Variants in KIF26B observed in about 807,000 individuals in gnomAD.
The protein encoded by KIF26B is kinesin-like protein KIF26B.
Under a neutral mutation model 151.2 loss-of-function variants are expected in KIF26B, and 63 were observed. The observed-to-expected ratio is 0.42, with a 90% CI of 0.34 to 0.51. The LOEUF (loss-of-function observed/expected upper bound fraction) is 0.51, where lower values mean the gene tolerates loss of function less well. Ranked by LOEUF, KIF26B falls within the 20% of genes least tolerant of loss-of-function variation. KIF26B has a pLI of 0.07. For synonymous variants in KIF26B, 1,357 were observed against 1,262.1 expected (o/e 1.08, Z -1.59); for missense variants, 2,813 against 2,913.6 (o/e 0.97, Z 0.79).
chr1:245,701,923 T>C (rs775214990), intron 14 of KIF26B, among the ~76,000 whole-genome samples: 18 of 152,108 alleles, frequency 1.2e-4, no homozygotes, highest in Non-Finnish European at 2.4e-4. Context: ...GCCAGAGGGG[T>C]TGATCCCAGA....
intron 2 of KIF26B, 142 bp from the exon 3 acceptor site, chr1:245,366,689 TGTC>T: frequency 1.5e-6 from 1 of 681,864 alleles, no homozygotes; most frequent in South Asian, 2.3e-5. Context: ...TCTGCCAGTG[TGTC>T]TTCTCATTTC....
chr1:245,271,612 G>T (rs1225098076), intron 2 of KIF26B, among the ~76,000 whole-genome samples: 4 of 145,452 alleles, frequency 2.8e-5, no homozygotes, highest in Admixed American at 6.8e-5. Flanking sequence ...ATTTTGAGAT[G>T]ATCATATTAT....
chr1:245,396,961 CCT>C lies in KIF26B; in HGVS notation c.1000-22617_1000-22616del, dbSNP rs1491576040. On this transcript the variant is annotated intron_variant, in intron 3 of 14. Coordinates refer to ENST00000407071, the MANE Select transcript of KIF26B (RefSeq NM_018012.4). ...TCATTTGACATGCTACATTTCTACT[CCT>C]TTTTTTTTTTTTTTGGAAAGGGTTT... Among the ~76,000 whole-genome samples, 375 of 97,080 alleles carry C rather than the reference CCT, an allele frequency of 3.9e-3. 2 individuals carry two copies. Among genetic ancestry groups the C allele is most frequent in the African/African-American group, 0.023 (304 of 13,406 alleles). The allele number at this position is 97,080 out of a possible 152,430, so 63.7% of individuals were successfully genotyped here. A position where few individuals can be genotyped will look rare whatever the true frequency, so the allele number is the denominator to read the frequency against.
intron 4 of KIF26B, among the ~76,000 whole-genome samples, chr1:245,447,150 C>G (rs552227426): frequency 6.6e-6 from 1 of 152,176 alleles, no homozygotes; most frequent in African/African-American, 2.4e-5. Flanking sequence ...AAGCTGGTGC[C>G]TTCCTGGTGT....
intron 4 of KIF26B, among the ~76,000 whole-genome samples, chr1:245,460,676 C>T (rs190039123): frequency 3.9e-5 from 6 of 152,326 alleles, no homozygotes; most frequent in South Asian, 4.1e-4. Context: ...AGAAATGCAA[C>T]GATGACAGAT....
At chr1:245,442,456 G>C (rs568164894) in intron 4 of KIF26B, among the ~76,000 whole-genome samples, 27 of 152,264 alleles carry the variant, frequency 1.8e-4, no homozygotes, top group African/African-American at 6.5e-4. Context: ...GGATTTCTCT[G>C]CAAGTGATTT....
rs149315744 is a variant in KIF26B, at chr1:245,411,730, G to A, written c.1000-7849G>A. Among the ~76,000 whole-genome samples, 8 of 152,308 alleles carry A rather than the reference G, an allele frequency of 5.3e-5. No individual in the cohort carries two copies. The East Asian group carries it at 1.5e-3, about 29-fold the overall frequency. Reference sequence around the variant, plus strand: ...AGATACATTTTTATAGTCAGCTCCAGAAGTGACTTGATGTGGGGATTGAGA... The same window carrying A: ...AGATACATTTTTATAGTCAGCTCCAAAAGTGACTTGATGTGGGGATTGAGA... On this transcript the variant is annotated intron_variant, in intron 3 of 14. Transcript: ENST00000407071.
rs568064665 is a variant in KIF26B at position 245,157,035 on chromosome 1, C to T, written c.465+352C>T. Among the ~76,000 whole-genome samples the T allele has an allele frequency of 3.3e-5, 5 of 152,326 alleles. No homozygotes were observed. The East Asian group carries it at 5.8e-4, about 18-fold the overall frequency. On this transcript the variant is annotated intron_variant, in intron 2 of 14. Coordinates refer to ENST00000407071, the MANE Select transcript of KIF26B (RefSeq NM_018012.4). ...CGCTTTCGATGTTTCTCCCCACCCC[C>T]ACCTGTGATCCTTTACAAAAATGTC...
At chr1:245,546,683 C>CT (rs1456216115) in intron 5 of KIF26B, among the ~76,000 whole-genome samples, 1 of 152,260 alleles carries the variant, frequency 6.6e-6, no homozygotes, top group East Asian at 1.9e-4. Context: ...ACACTCACAA[C>CT]TTCATTCTTA....
In KIF26B at chr1:245,687,884, C is replaced by T. The variant is rs775785855; in HGVS notation, c.4901C>T (p.Pro1634Leu). Reference protein sequence around the residue: ...SSPLNQPAAFPAGLPDEPSGK... With the variant: ...SSPLNQPAAFLAGLPDEPSGK... ...CCCCTGAACCAACCAGCCGCCTTCC[C>T]GGCGGGCCTCCCAGACGAGCCTAGC... The change falls in exon 12 of 15, where the codon CCG becomes CTG. Residue 1634 changes from proline (P) to leucine (L), a missense_variant. Around this residue, in one of 3 missense-constraint regions of KIF26B, gnomAD observed 2,060 missense variants for 2,088.6 expected, o/e 0.99. Coordinates refer to ENST00000407071, the MANE Select transcript of KIF26B (RefSeq NM_018012.4). The surrounding 1 kb of genome is among the most constrained non-coding windows in gnomAD (Gnocchi z 4.9). 5.0e-6 allele frequency: 8 copies of T among 1,591,764 alleles called. No individual in the cohort carries two copies. Among genetic ancestry groups the T allele is most frequent in the Non-Finnish European group, 6.8e-6 (8 of 1,170,792 alleles).
intron 2 of KIF26B, among the ~76,000 whole-genome samples, chr1:245,164,693 GC>G (rs1668586818): frequency 6.6e-6 from 1 of 152,216 alleles, no homozygotes. Flanking sequence ...GGCCTTGTAG[GC>G]TATAGGCTGG....
intron 12 of KIF26B, among the ~76,000 whole-genome samples, chr1:245,694,918 A>G (rs115082447): frequency 0.015 from 2,249 of 152,286 alleles, 47 homozygotes; most frequent in African/African-American, 0.052. Flanking sequence ...GGGGTTGAAA[A>G]GCAGAAGGGA....
chr1:245,155,569 CCCG>C, intron 1 of KIF26B, 82 bp downstream of exon 1: 1 of 1,285,432 alleles, frequency 7.8e-7, no homozygotes, highest in Non-Finnish European at 1.1e-6. Flanking sequence ...ATCGTGCGGC[CCCG>C]GCCCCGAGCT....
chr1:245,262,431 G>T (rs994705010), intron 2 of KIF26B, among the ~76,000 whole-genome samples: 2 of 151,996 alleles, frequency 1.3e-5, no homozygotes, highest in Non-Finnish European at 2.9e-5. Flanking sequence ...GAGGGAATGA[G>T]TTCTTTTTTT....
chr1:245,667,953 T>G lies in KIF26B; in HGVS notation c.2259-16280T>G, dbSNP rs540424450. Among the ~76,000 whole-genome samples, 3 of 152,200 alleles carry G rather than the reference T, an allele frequency of 2.0e-5. No individual in the cohort carries two copies. The highest frequency in any genetic ancestry group is 7.2e-5 in the African/African-American group (3 of 41,454). On this transcript the variant is annotated intron_variant, in intron 10 of 14. Coordinates refer to ENST00000407071, the MANE Select transcript of KIF26B (RefSeq NM_018012.4). The surrounding 1 kb of genome is among the most constrained non-coding windows in gnomAD (Gnocchi z 4.3). ...TCACCCAGGCTGGAGTGCAGTGCAGTGGCGCAATCTCAGCTCACTGCAACT... is the reference window on the plus strand; with the variant it reads ...TCACCCAGGCTGGAGTGCAGTGCAGGGGCGCAATCTCAGCTCACTGCAACT...
intron 4 of KIF26B, among the ~76,000 whole-genome samples, chr1:245,470,586 A>G (rs369248970): frequency 5.9e-5 from 9 of 152,032 alleles, no homozygotes; most frequent in South Asian, 2.1e-4. Flanking sequence ...ACCCGCCACC[A>G]CGCCCGGCTA....
intron 3 of KIF26B, among the ~76,000 whole-genome samples, chr1:245,403,557 C>T (rs949728646): frequency 3.9e-5 from 6 of 151,964 alleles, no homozygotes; most frequent in South Asian, 2.1e-4. Context: ...TGTGTGCGCG[C>T]GCATGTGTGT....
intron 2 of KIF26B, among the ~76,000 whole-genome samples, chr1:245,311,566 C>T (rs1225736804): frequency 6.6e-6 from 1 of 151,802 alleles, no homozygotes; most frequent in Non-Finnish European, 1.5e-5. Flanking sequence ...CACACCACTG[C>T]ACTCCAGCTT....
intron 2 of KIF26B, among the ~76,000 whole-genome samples, chr1:245,327,455 C>A (rs1003974691): frequency 6.6e-6 from 1 of 152,150 alleles, no homozygotes; most frequent in African/African-American, 2.4e-5. Flanking sequence ...TCCTCCCTTG[C>A]ATTTTGGTCT....
Sources: gnomAD v4.1 joint callset for allele counts (sites outside exome capture counted in the v4.1 genomes callset) on GRCh38, gnomAD v4.1.1 for gene constraint, gnomAD v4.1.1 regional missense constraint, Gnocchi (gnomAD v3.1) non-coding constraint, MANE v1.5 for transcripts, NCBI Gene and HGNC (gene_info 2026-07-23, HGNC 2026-07-21) for gene names.